PLXNB2: variants seen among roughly 807,000 people sequenced by gnomAD.
PLXNB2 encodes plexin B2, also known as plexin-B2.
A neutral mutation model predicts 202.6 loss-of-function variants in PLXNB2; 85 were observed. The ratio of observed to expected loss-of-function variants is 0.42; its 90% confidence interval spans 0.35 to 0.50. The LOEUF is 0.50. PLXNB2 is among the 20% of genes least tolerant of loss of function. The probability of loss-of-function intolerance (pLI) is 0.02; values close to 1 mark genes in which losing one functional copy is unlikely to be tolerated. For missense variants in PLXNB2, 2,063 were observed against 2,586.2 expected, an observed-to-expected ratio of 0.80 and a Z score of 4.39; for synonymous variants, 1,239 against 1,137.6, an observed-to-expected ratio of 1.09 and a Z score of -1.79.
Position 50,281,076 on chromosome 22 carries a change from A to G in PLXNB2, c.3763+13T>C, listed in dbSNP as rs2065953693. ...AGGAGGCGCCCCAGCACCAGCCCCC[A>G]AGCGGTCCCTACCTGTGAATTCCTT... On this transcript the variant is annotated intron_variant, in intron 23 of 36. Transcript: ENST00000359337. The G allele has an allele frequency of 6.2e-7, 1 of 1,610,700 alleles. No homozygotes were observed. The highest frequency in any genetic ancestry group is 1.3e-5 in the African/African-American group (1 of 74,964).
chr22:50,287,849 G>A (rs1261336318), intron 6 of PLXNB2, 56 bp from the exon 7 acceptor site: 2 of 1,596,522 alleles, frequency 1.3e-6, no homozygotes, highest in African/African-American at 1.3e-5. Flanking sequence ...TCCCGGGACA[G>A]GACAGTGCGA....
chr22:50,286,141 C>G, intron 9 of PLXNB2, 32 bp downstream of exon 9: 1 of 1,610,018 alleles, frequency 6.2e-7, no homozygotes. Context: ...GGTGGACGGG[C>G]AGGGTGGGGT....
intron 1 of PLXNB2, among the ~76,000 whole-genome samples, chr22:50,300,078 G>A (rs2067582861): frequency 6.6e-6 from 1 of 152,062 alleles, no homozygotes; most frequent in Non-Finnish European, 1.5e-5. Context: ...CACCGCCCGC[G>A]CCCTCCCGGG....
At position 50,278,462 on chromosome 22, in the gene PLXNB2, C is replaced by A; in HGVS notation, c.4705G>T (p.Asp1569Tyr). 6.4e-7 allele frequency: 1 copy of A among 1,559,126 alleles called. No homozygotes were observed. Among genetic ancestry groups the A allele is most frequent in the Non-Finnish European group, 8.7e-7 (1 of 1,151,786 alleles). The change falls in exon 30 of 37, where the codon GAC (aspartate) becomes TAC (tyrosine). Residue 1569 changes from aspartate (D) to tyrosine (Y), a missense_variant. Asp to Tyr is a radical substitution (Grantham distance 160, BLOSUM62 -3). Transcript: ENST00000359337. ...SKVGVSQQPE[D>Y]SQQDLPGERH... ...TCCCCAGGCAGGTCCTGCTGGCTGT[C>A]CTCCGGCTGCTGGGAGACCCCCACC...
rs375192281 is a variant in PLXNB2 at position 50,286,317 on chromosome 22, G to A, written c.1763-30C>T. 8.4e-6 allele frequency: 13 copies of A among 1,550,058 alleles called. No homozygotes were observed. In the African/African-American group the frequency reaches 1.6e-4, roughly 19 times the overall value. On this transcript the variant is annotated intron_variant, in intron 8 of 36. Transcript: ENST00000359337. ...AGACAGCAGAGGGGGAGGTGTCAAG[G>A]TGGCGGCCGCAGGGCCGAGGGCCAG...
rs1325057484 is a variant in PLXNB2 at position 50,287,683 on chromosome 22, C to T, written c.1592G>A (p.Arg531Gln). The change falls in exon 7 of 37, where the codon CGG becomes CAG. Residue 531 changes from arginine to glutamine, a missense_variant. This residue lies in a region of PLXNB2 where 1,303 missense variants were observed against 1,476.8 expected (regional missense o/e 0.88). Coordinates refer to ENST00000359337, the MANE Select transcript of PLXNB2 (RefSeq NM_012401.4). ...VTSAQPQNMS[R>Q]RAQGEVQLTV... is the part of the protein sequence containing the mutation. Reference sequence around the variant, plus strand: ...ACCACGCACCTCCCCCTGGGCCCGCCGGCTCATGTTCTGTGGCTGGGCGCT... The same window carrying T: ...ACCACGCACCTCCCCCTGGGCCCGCTGGCTCATGTTCTGTGGCTGGGCGCT... 6 of 1,547,746 alleles carry T rather than the reference C, an allele frequency of 3.9e-6. No individual in the cohort carries two copies. Among genetic ancestry groups the T allele is most frequent in the Admixed American group, 1.9e-5 (1 of 52,128 alleles).
chr22:50,283,673 C>T lies in PLXNB2; in HGVS notation c.2499G>A (p.Gly833=). The change falls in exon 15 of 37, where the codon GGG becomes GGA. Residue 833 remains glycine, a synonymous_variant. Coordinates refer to ENST00000359337, the MANE Select transcript of PLXNB2 (RefSeq NM_012401.4). ...CGGCCACAGAGATCCTCTGGATGTC[C>T]CCTGCTTGGACGCCCAAATTGGACC... is the stretch of plus-strand genomic sequence containing the variant. ...ILGSNLGVQA[G]DIQRISVAGR... 2 of 1,613,152 alleles carry T rather than the reference C, an allele frequency of 1.2e-6. No individual in the cohort carries two copies. The highest frequency in any genetic ancestry group is 2.2e-5 in the South Asian group (2 of 91,066).
chr22:50,287,321 G>A, intron 7 of PLXNB2, 57 bp from the exon 8 acceptor site: 1 of 1,447,190 alleles, frequency 6.9e-7, no homozygotes, highest in Non-Finnish European at 9.1e-7. Context: ...CAGCCCACCT[G>A]CCGGTGACCC....
chr22:50,296,228 A>ACACACACG (rs2067254655), intron 1 of PLXNB2, among the ~76,000 whole-genome samples: 1 of 151,532 alleles, frequency 6.6e-6, no homozygotes, highest in South Asian at 2.1e-4. Context: ...ACACACACAC[A>ACACACACG]CAATAAAAAA....
In PLXNB2 at chr22:50,297,269, C is replaced by T. The variant is rs566148131; in HGVS notation, c.-73-2491G>A. Among the ~76,000 whole-genome samples the T allele has an allele frequency of 2.3e-4, 35 of 152,306 alleles. No individual in the cohort carries two copies. Among genetic ancestry groups the T allele is most frequent in the African/African-American group, 7.9e-4 (33 of 41,572 alleles). Reference sequence around the variant, plus strand: ...GCACACCCCCAGGCTCCAGCCTCCACGGGCCCAGGCCCCAGGCGTGGGCGG... The same window carrying T: ...GCACACCCCCAGGCTCCAGCCTCCATGGGCCCAGGCCCCAGGCGTGGGCGG... On this transcript the variant is annotated intron_variant, in intron 1 of 36. Transcript: ENST00000359337. This position sits in a 1 kb window ranked among gnomAD's most constrained non-coding sequence, Gnocchi z 5.3.
intron 1 of PLXNB2, among the ~76,000 whole-genome samples, chr22:50,295,928 C>T (rs2067227017): frequency 6.6e-6 from 1 of 151,952 alleles, no homozygotes; most frequent in African/African-American, 2.4e-5. Flanking sequence ...ATGGTGAAAC[C>T]CCATCTCTAC....
chr22:50,278,110 G>T lies in PLXNB2; in HGVS notation c.4887+7C>A. 6.2e-7 allele frequency: 1 copy of T among 1,603,016 alleles called. No homozygotes were observed. On this transcript the variant is annotated splice_region_variant and intron_variant, in intron 31 of 36. Coordinates refer to ENST00000359337, the MANE Select transcript of PLXNB2 (RefSeq NM_012401.4). ...CTGGTGCCGCCCACACACCCATGGG[G>T]GCCCACCTTGACTGAGAGCAGCCGC... is the stretch of plus-strand genomic sequence containing the variant.
At chr22:50,279,433 A>C (rs1049487805) in intron 27 of PLXNB2, among the ~76,000 whole-genome samples, 197 bp downstream of exon 27, 1 of 152,116 alleles carries the variant, frequency 6.6e-6, no homozygotes, top group African/African-American at 2.4e-5. Context: ...CGGGGCCCGC[A>C]CACTTAGAGC....
At position 50,284,150 on chromosome 22, in the gene PLXNB2, T is replaced by A; in HGVS notation, c.2245A>T (p.Ile749Phe). 1 of 1,610,306 alleles carries A rather than the reference T, an allele frequency of 6.2e-7. No homozygotes were observed. Among genetic ancestry groups the A allele is most frequent in the Non-Finnish European group, 8.5e-7 (1 of 1,178,940 alleles). The change falls in exon 13 of 37, where the codon ATC becomes TTC. Residue 749 changes from isoleucine (I) to phenylalanine (F), a missense_variant. This residue lies in a region of PLXNB2 where 1,303 missense variants were observed against 1,476.8 expected (regional missense o/e 0.88). Coordinates refer to ENST00000359337, the MANE Select transcript of PLXNB2 (RefSeq NM_012401.4). The surrounding 1 kb of genome is among the most constrained non-coding windows in gnomAD (Gnocchi z 8.0). ...HLYVKSYGKN[I>F]DSKLHVTLYN... is the part of the protein sequence containing the mutation. ...CCCCCACCATGGAGCTTGCTGTCGA[T>A]ATTCTTGCCGTAAGACTTGACGTAG...
intron 18 of PLXNB2, 77 bp downstream of exon 18, chr22:50,282,634 C>T: frequency 9.0e-7 from 1 of 1,110,112 alleles, no homozygotes; most frequent in Non-Finnish European, 1.3e-6. Flanking sequence ...ACATTCCTTT[C>T]AGCACAGTCA....
Position 50,297,141 on chromosome 22 carries a change from C to T in PLXNB2, c.-73-2363G>A, listed in dbSNP as rs1284396730. On this transcript the variant is annotated intron_variant, in intron 1 of 36. Transcript: ENST00000359337. The surrounding 1 kb of genome is among the most constrained non-coding windows in gnomAD (Gnocchi z 5.3). Reference sequence around the variant, plus strand: ...GACCCGCGGGGACTGGAGACTGCAGCTCCCGACGGAGGTGGCAGCCATGGC... The same window carrying T: ...GACCCGCGGGGACTGGAGACTGCAGTTCCCGACGGAGGTGGCAGCCATGGC... 6.6e-6 allele frequency among the ~76,000 whole-genome samples: 1 copy of T among 152,204 alleles called. No individual in the cohort carries two copies. Among genetic ancestry groups the T allele is most frequent in the African/African-American group, 2.4e-5 (1 of 41,448 alleles).
At position 50,287,973 on chromosome 22, in the gene PLXNB2, TG is replaced by T; in HGVS notation, c.1444del (p.Gln482ArgfsTer48). 1 of 1,585,736 alleles carries T rather than the reference TG, an allele frequency of 6.3e-7. No individual in the cohort carries two copies. The highest frequency in any genetic ancestry group is 8.6e-7 in the Non-Finnish European group (1 of 1,166,944). ...YPTCTQCRDS[Q>X]DPYCGWCVVE... The stretch of plus-strand genomic sequence containing the variant: ...GACGCACCAGCCGCAGTAGGGGTCC[TG>T]GGAGTCGCGGCACTGGGTGCAGGTC... On this transcript the variant is annotated frameshift_variant, in exon 6 of 37. Transcript: ENST00000359337. LOFTEE classifies it high-confidence loss of function.
Position 50,299,827 on chromosome 22 carries a change from TACCCGGCCAGAGCCAAAGGCGGGC to T in PLXNB2, c.-73-5073_-73-5050del, listed in dbSNP as rs1448881946. On this transcript the variant is annotated intron_variant, in intron 1 of 36. Transcript: ENST00000359337. ...CTCCTGGGTGGGTCTGCGAGCCCGGTACCCGGCCAGAGCCAAAGGCGGGCACCCGGCCTGTGTGGAGCGCCCTGG... is the reference window on the plus strand; with the variant it reads ...CTCCTGGGTGGGTCTGCGAGCCCGGTACCCGGCCTGTGTGGAGCGCCCTGG... Among the ~76,000 whole-genome samples the T allele has an allele frequency of 2.0e-5, 3 of 152,078 alleles. No individual in the cohort carries two copies. In the East Asian group the frequency reaches 5.8e-4, roughly 29 times the overall value.
At chr22:50,302,611 T>A (rs1315383132) in intron 1 of PLXNB2, among the ~76,000 whole-genome samples, 2 of 152,160 alleles carry the variant, frequency 1.3e-5, no homozygotes, top group Non-Finnish European at 2.9e-5. Flanking sequence ...CCTTTTCTCC[T>A]GAAGTCCCTC....
Sources: gnomAD v4.1 joint callset for allele counts (sites outside exome capture counted in the v4.1 genomes callset) on GRCh38, gnomAD v4.1.1 for gene constraint, gnomAD v4.1.1 regional missense constraint, Gnocchi (gnomAD v3.1) non-coding constraint, MANE v1.5 for transcripts, NCBI Gene and HGNC (gene_info 2026-07-23, HGNC 2026-07-21) for gene names.